The following ATXN7 variants were observed in gnomAD, a reference collection of about 807,000 sequenced individuals.
ATXN7 encodes ataxin 7.
In ATXN7, 12 loss-of-function variants were observed where a neutral mutation model predicts 70.5. That is an observed-to-expected ratio of 0.17 (90% CI 0.11 to 0.28). The LOEUF (loss-of-function observed/expected upper bound fraction) is 0.28, where lower values mean the gene tolerates loss of function less well. Ranked by LOEUF, ATXN7 falls within the 10% of genes least tolerant of loss-of-function variation. ATXN7 has a pLI of 1.00. For synonymous variants in ATXN7, 498 were observed against 448.7 expected, an observed-to-expected ratio of 1.11 and a Z score of -1.39; for missense variants, 1,256 against 1,131.7, an observed-to-expected ratio of 1.11 and a Z score of -1.58.
chr3:63,898,885 T>C (rs1228246412), intron 2 of ATXN7, among the ~76,000 whole-genome samples: 1 of 152,154 alleles, frequency 6.6e-6, no homozygotes, highest in African/African-American at 2.4e-5. Flanking sequence ...TCTTTCCATG[T>C]AATGTAGACC....
intron 5 of ATXN7, among the ~76,000 whole-genome samples, chr3:63,956,033 A>T (rs535269450): frequency 1.2e-4 from 18 of 152,326 alleles, no homozygotes; most frequent in African/African-American, 4.1e-4. Flanking sequence ...GGAGTTAACA[A>T]TTAACCAGGA....
At chr3:63,905,484 C>T (rs1703807194) in intron 2 of ATXN7, 1 of 152,222 alleles carries the variant, frequency 6.6e-6, no homozygotes, top group Non-Finnish European at 1.5e-5. Flanking sequence ...GCTGGGATTA[C>T]AAGTGTGAGC....
intron 12 of ATXN7, chr3:63,998,385 TACAC>T (rs1180019393): frequency 2.0e-6 from 2 of 985,376 alleles, no homozygotes; most frequent in South Asian, 4.7e-5. Flanking sequence ...CACACACGTA[TACAC>T]ACACACTTTT....
chr3:63,943,477 G>A (rs569562108), intron 4 of ATXN7, among the ~76,000 whole-genome samples: 3 of 152,178 alleles, frequency 2.0e-5, no homozygotes, highest in Admixed American at 6.5e-5. Flanking sequence ...ACCAAAGGAC[G>A]ACAGTGGAGA....
chr3:63,878,253 T>G (rs1702802653), intron 1 of ATXN7, among the ~76,000 whole-genome samples: 1 of 152,200 alleles, frequency 6.6e-6, no homozygotes, highest in African/African-American at 2.4e-5. Flanking sequence ...AAGCTGACTT[T>G]GATTCCTTGC....
chr3:63,970,599 T>G (rs1388511548), intron 5 of ATXN7, among the ~76,000 whole-genome samples: 1 of 152,212 alleles, frequency 6.6e-6, no homozygotes, highest in African/African-American at 2.4e-5. Context: ...CAATAACTTT[T>G]TCATATTTCT....
At chr3:63,899,815 C>T (rs1003448950) in intron 2 of ATXN7, among the ~76,000 whole-genome samples, 5 of 152,076 alleles carry the variant, frequency 3.3e-5, no homozygotes, top group African/African-American at 4.8e-5. Flanking sequence ...CACGGGGTTT[C>T]GCCGTGTTAG....
intron 5 of ATXN7, 116 bp from the exon 6 acceptor site, chr3:63,979,799 T>C: frequency 7.0e-7 from 1 of 1,419,882 alleles, no homozygotes; most frequent in South Asian, 1.3e-5. Context: ...TTAACATACC[T>C]TCACTTAACG....
chr3:63,927,713 T>C (rs1450259377), intron 4 of ATXN7, among the ~76,000 whole-genome samples: 2 of 152,226 alleles, frequency 1.3e-5, no homozygotes, highest in African/African-American at 4.8e-5. Context: ...AGCCTCTGAA[T>C]AGGATATTTA....
At chr3:63,948,330 G>A (rs1345280794) in intron 4 of ATXN7, among the ~76,000 whole-genome samples, 2 of 152,174 alleles carry the variant, frequency 1.3e-5, no homozygotes, top group African/African-American at 4.8e-5. Flanking sequence ...AATGGGGAAG[G>A]TTGTTGGGTG....
At chr3:63,886,365 G>A (rs542573822) in intron 1 of ATXN7, among the ~76,000 whole-genome samples, 57 of 152,252 alleles carry the variant, frequency 3.7e-4, no homozygotes, top group African/African-American at 1.4e-3. Context: ...TAATAATACT[G>A]TATACTTGAA....
At chr3:63,911,257 T>A (rs867076372) in intron 2 of ATXN7, among the ~76,000 whole-genome samples, 4 of 152,342 alleles carry the variant, frequency 2.6e-5, no homozygotes, top group Middle Eastern at 3.4e-3. Context: ...TCTGCTACTG[T>A]TTCAAGTATT....
At chr3:63,934,946 C>A (rs539273024) in intron 4 of ATXN7, among the ~76,000 whole-genome samples, 2 of 152,188 alleles carry the variant, frequency 1.3e-5, no homozygotes, top group Non-Finnish European at 2.9e-5. Flanking sequence ...CCACTGGATT[C>A]TAGTTGTGAC....
intron 5 of ATXN7, among the ~76,000 whole-genome samples, chr3:63,962,207 C>A (rs532040363): frequency 1.3e-5 from 2 of 152,164 alleles, no homozygotes; most frequent in South Asian, 4.2e-4. Flanking sequence ...TAATTTTATA[C>A]CTTTTCATCT....
intron 1 of ATXN7, among the ~76,000 whole-genome samples, chr3:63,877,537 C>T (rs1702782878): frequency 6.6e-6 from 1 of 152,246 alleles, no homozygotes; most frequent in South Asian, 2.1e-4. Flanking sequence ...CTTTGGCCAG[C>T]TTTGGCTGAT....
intron 2 of ATXN7, among the ~76,000 whole-genome samples, chr3:63,903,200 C>T (rs1387610804): frequency 6.6e-6 from 1 of 151,920 alleles, no homozygotes; most frequent in Non-Finnish European, 1.5e-5. Context: ...TGAGACTATC[C>T]TGGCTAACAT....
At chr3:63,985,838 CTCTT>C (rs1436005843) in intron 8 of ATXN7, among the ~76,000 whole-genome samples, 1 of 152,246 alleles carries the variant, frequency 6.6e-6, no homozygotes, top group African/African-American at 2.4e-5. Context: ...ACAGGCCTCA[CTCTT>C]TCTAGGTCGC....
At chr3:63,892,764 A>G (rs529533965) in intron 1 of ATXN7, among the ~76,000 whole-genome samples, 1 of 152,292 alleles carries the variant, frequency 6.6e-6, no homozygotes, top group African/African-American at 2.4e-5. Flanking sequence ...AATTCAATTC[A>G]TCAGGCATTT....
At chr3:63,929,531 A>G (rs903352681) in intron 4 of ATXN7, among the ~76,000 whole-genome samples, 5 of 152,094 alleles carry the variant, frequency 3.3e-5, no homozygotes, top group Non-Finnish European at 5.9e-5. Flanking sequence ...TCTGCTTCCC[A>G]AAGTGCTGGG....
Sources: allele counts gnomAD v4.1 joint callset (sites outside exome capture counted in the v4.1 genomes callset), GRCh38; gene constraint gnomAD v4.1.1; transcripts MANE v1.5; gene names NCBI Gene and HGNC (gene_info 2026-07-23, HGNC 2026-07-21).